The following GRIN2A variants were observed in gnomAD, a reference collection of about 807,000 sequenced individuals.
GRIN2A encodes glutamate ionotropic receptor NMDA type subunit 2A, also known as glutamate receptor ionotropic, NMDA 2A.
GRIN2A carries 22 observed loss-of-function variants against 113.4 expected under a neutral mutation model. The ratio of observed to expected loss-of-function variants is 0.19; its 90% confidence interval spans 0.14 to 0.28. The LOEUF (loss-of-function observed/expected upper bound fraction) is 0.28, where lower values mean the gene tolerates loss of function less well. Among genes scored for constraint, GRIN2A ranks in the 10% least tolerant of loss-of-function variants. The pLI is 1.00. For synonymous variants in GRIN2A, 827 were observed against 738.4 expected (o/e 1.12, Z -1.94); for missense variants, 1,502 against 1,887.0 (o/e 0.80, Z 3.78).
intron 2 of GRIN2A, among the ~76,000 whole-genome samples, chr16:10,091,162 G>C (rs12598133): frequency 0.93 from 142,169 of 152,254 alleles, 67,144 homozygotes; most frequent in East Asian, 1. Flanking sequence ...AAAACGTAAA[G>C]TTACTATATG....
intron 12 of GRIN2A, among the ~76,000 whole-genome samples, chr16:9,766,613 C>T (rs1900937398): frequency 6.6e-6 from 1 of 152,188 alleles, no homozygotes; most frequent in Admixed American, 6.5e-5. Flanking sequence ...AACATCTGCC[C>T]CTGCCATCAC....
chr16:10,131,380 G>A (rs75144761), intron 2 of GRIN2A, among the ~76,000 whole-genome samples: 13,751 of 152,026 alleles, frequency 0.09, 652 homozygotes, highest in Middle Eastern at 0.12. Context: ...AAACCAACTC[G>A]GGGGGAAATT....
At chr16:10,144,675 G>C (rs79813895) in intron 2 of GRIN2A, among the ~76,000 whole-genome samples, 13,315 of 152,134 alleles carry the variant, frequency 0.088, 608 homozygotes, top group South Asian at 0.11. Flanking sequence ...GCATTATTCA[G>C]AACAGCCAAG....
At chr16:10,075,390 G>A (rs1451049471) in intron 2 of GRIN2A, among the ~76,000 whole-genome samples, 1 of 151,962 alleles carries the variant, frequency 6.6e-6, no homozygotes. Flanking sequence ...ACCTAAAATA[G>A]GCAAATTTAT....
chr16:10,177,813 G>T (rs567127130), intron 2 of GRIN2A, among the ~76,000 whole-genome samples: 1 of 152,274 alleles, frequency 6.6e-6, no homozygotes, highest in Non-Finnish European at 1.5e-5. Context: ...AGATTCACTA[G>T]CAGGCAGGGT....
At chr16:9,902,349 TG>T (rs1443310210) in intron 3 of GRIN2A, among the ~76,000 whole-genome samples, 1 of 152,196 alleles carries the variant, frequency 6.6e-6, no homozygotes, top group Non-Finnish European at 1.5e-5. Context: ...GCAGATATGA[TG>T]GCTGGAGCAG....
rs1376888624 is a variant in GRIN2A, at chr16:10,180,998, C to G, written c.-18-569G>C. On this transcript the variant is annotated intron_variant, in intron 1 of 12. Coordinates refer to ENST00000330684, the MANE Select transcript of GRIN2A (RefSeq NM_001134407.3). This position sits in a 1 kb window ranked among gnomAD's most constrained non-coding sequence, Gnocchi z 7.0. ...GCCCCCTACGAGCCCGTCGTGTGCA[C>G]CACACACTTTGCTCTACGCCCAGCC... Among the ~76,000 whole-genome samples the G allele has an allele frequency of 1.3e-5, 2 of 152,174 alleles. No homozygotes were observed. Among genetic ancestry groups the G allele is most frequent in the Admixed American group, 6.5e-5 (1 of 15,286 alleles).
intron 3 of GRIN2A, among the ~76,000 whole-genome samples, chr16:9,927,592 T>C (rs2044493332): frequency 6.6e-6 from 1 of 152,218 alleles, no homozygotes; most frequent in South Asian, 2.1e-4. Context: ...GTTAACTTGA[T>C]TGCTACCTGC....
intron 2 of GRIN2A, among the ~76,000 whole-genome samples, chr16:10,039,604 G>A (rs540068303): frequency 6.6e-6 from 1 of 151,988 alleles, no homozygotes; most frequent in African/African-American, 2.4e-5. Flanking sequence ...GGGAGGGACC[G>A]GTGGCGTTGG....
intron 2 of GRIN2A, among the ~76,000 whole-genome samples, chr16:10,119,640 G>T (rs2048795319): frequency 1.3e-5 from 2 of 152,106 alleles, no homozygotes; most frequent in Admixed American, 1.3e-4. Flanking sequence ...TGTGTCACAG[G>T]GATTTGGTAC....
At chr16:9,882,581 G>A (rs2043502725) in intron 4 of GRIN2A, among the ~76,000 whole-genome samples, 1 of 152,120 alleles carries the variant, frequency 6.6e-6, no homozygotes, top group Non-Finnish European at 1.5e-5. Flanking sequence ...GAGGTTAGGA[G>A]ATTGAGACCA....
intron 10 of GRIN2A, chr16:9,805,667 A>T (rs970077664): frequency 1.3e-5 from 2 of 152,142 alleles, no homozygotes; most frequent in African/African-American, 4.8e-5. Context: ...ATAATAACTT[A>T]TTACAGGGCT....
chr16:10,024,134 G>C (rs1166004693), intron 2 of GRIN2A, among the ~76,000 whole-genome samples: 1 of 152,184 alleles, frequency 6.6e-6, no homozygotes, highest in Non-Finnish European at 1.5e-5. Context: ...GAGCCCATGA[G>C]GCTTCTATCA....
intron 3 of GRIN2A, among the ~76,000 whole-genome samples, chr16:9,893,803 A>G (rs2043749962): frequency 6.6e-6 from 1 of 152,146 alleles, no homozygotes; most frequent in South Asian, 2.1e-4. Context: ...TAATTACTCT[A>G]TTTATTATAG....
chr16:10,107,153 A>G (rs1596512853), intron 2 of GRIN2A, among the ~76,000 whole-genome samples: 4 of 152,226 alleles, frequency 2.6e-5, no homozygotes, highest in African/African-American at 7.2e-5. Flanking sequence ...AAGCACATGT[A>G]CTTCAATCCT....
At chr16:9,999,637 G>A (rs879366360) in intron 2 of GRIN2A, among the ~76,000 whole-genome samples, 5 of 151,360 alleles carry the variant, frequency 3.3e-5, no homozygotes, top group Non-Finnish European at 7.3e-5. Context: ...AACACCTAAT[G>A]TAGGTGACAG....
rs150145961 is a variant in GRIN2A, at chr16:10,073,811, G to A, written c.414+106187C>T. Among the ~76,000 whole-genome samples, 395 of 151,752 alleles carry A rather than the reference G, an allele frequency of 2.6e-3. 1 individual carries two copies. Among genetic ancestry groups the A allele is most frequent in the Admixed American group, 6.5e-3 (99 of 15,224 alleles). On this transcript the variant is annotated intron_variant, in intron 2 of 12. Transcript: ENST00000330684. ...CGTGCCTGTAATCCCAGCTACTCAG[G>A]AGGCTGAGGCAGGAGAATCACTTGA... is the stretch of plus-strand genomic sequence containing the variant.
intron 2 of GRIN2A, among the ~76,000 whole-genome samples, chr16:9,966,099 C>T (rs1290626205): frequency 1.3e-5 from 2 of 152,182 alleles, no homozygotes. Flanking sequence ...ATTTGACAAG[C>T]ACGAGGGCAG....
In GRIN2A at chr16:9,785,724, T is replaced by TA. The variant is rs202177740; in HGVS notation, c.2356+12552dup. ...ACTAGATAAAAAGTATAAGTTTCAA[T>TA]AAAAAAAACCCTTAATGTGTATTAG... On this transcript the variant is annotated intron_variant, in intron 11 of 12. Transcript: ENST00000330684. Among the ~76,000 whole-genome samples the TA allele has an allele frequency of 1.0e-3, 157 of 151,816 alleles. 1 individual carries two copies. The highest frequency in any genetic ancestry group is 1.9e-3 in the African/African-American group (77 of 41,414).
Sources: allele counts gnomAD v4.1 joint callset (sites outside exome capture counted in the v4.1 genomes callset), GRCh38; gene constraint gnomAD v4.1.1; non-coding constraint Gnocchi (gnomAD v3.1); transcripts MANE v1.5; gene names NCBI Gene and HGNC (gene_info 2026-07-23, HGNC 2026-07-21).